The following TEX15 variants were observed in gnomAD, a reference collection of about 807,000 sequenced individuals.
TEX15 encodes the protein testis expressed 15, meiosis and synapsis associated.
In TEX15, 171 loss-of-function variants were observed where a neutral mutation model predicts 237.3. That is an observed-to-expected ratio of 0.72 (90% CI 0.64 to 0.82). The LOEUF is 0.82. Ranked by LOEUF, TEX15 falls within the 40% of genes least tolerant of loss-of-function variation. The pLI is 0.00. For missense variants in TEX15, 3,750 were observed against 3,646.5 expected (o/e 1.03, Z -0.73); for synonymous variants, 1,338 against 1,269.8 (o/e 1.05, Z -1.14).
At chr8:30,883,787 T>C (rs747561161) in intron 3 of TEX15, among the ~76,000 whole-genome samples, 2 of 152,214 alleles carry the variant, frequency 1.3e-5, no homozygotes, top group Non-Finnish European at 2.9e-5. Flanking sequence ...TCTCTGTTAC[T>C]GTAAATATTA....
chr8:30,844,872 C>T lies in TEX15; in HGVS notation c.5295G>A (p.Glu1765=), dbSNP rs1807557599. The change falls in exon 8 of 11, where the codon GAG becomes GAA. Residue 1765 remains glutamate (E), a synonymous_variant. Coordinates refer to ENST00000643185, the MANE Select transcript of TEX15 (RefSeq NM_001350162.2). ...AAGAGCACTGTTCTGTCTTTAGAAGCTCTTTTTCTCTACAGCTCTGCTCAC... is the reference window on the plus strand; with the variant it reads ...AAGAGCACTGTTCTGTCTTTAGAAGTTCTTTTTCTCTACAGCTCTGCTCAC... ...PHCEQSCREK[E]LLKTEQCSSG... is the part of the protein sequence containing the mutation. The T allele has an allele frequency of 6.2e-7, 1 of 1,613,372 alleles. No individual in the cohort carries two copies. The highest frequency in any genetic ancestry group is 8.5e-7 in the Non-Finnish European group (1 of 1,179,502).
In TEX15 at chr8:30,846,648, G is replaced by A. The variant is rs138205237; in HGVS notation, c.3519C>T (p.Asp1173=). Residue 1173 remains aspartate (D), a synonymous_variant, in exon 8 of 11, where the codon GAC becomes GAT. Coordinates refer to ENST00000643185, the MANE Select transcript of TEX15 (RefSeq NM_001350162.2). ...AAAAACTATCTTTCAATGCAAGGGA[G>A]TCAGCTGTCGGGCTGAATCCTGGCC... ...IFRPGFSPTA[D]SLALKDSFCT... is the part of the protein sequence containing the mutation. The A allele has an allele frequency of 1.7e-4, 267 of 1,613,776 alleles. 1 individual carries two copies. The highest frequency in any genetic ancestry group is 4.9e-4 in the Middle Eastern group (3 of 6,084).
intron 7 of TEX15, among the ~76,000 whole-genome samples, chr8:30,857,617 G>GA (rs1807939105): frequency 6.6e-6 from 1 of 152,090 alleles, no homozygotes; most frequent in Admixed American, 6.5e-5. Context: ...ATGTGACCAG[G>GA]AATTTCAGAA....
intron 9 of TEX15, among the ~76,000 whole-genome samples, chr8:30,839,493 CT>C (rs1175352135): frequency 6.6e-5 from 10 of 151,818 alleles, no homozygotes; most frequent in Non-Finnish European, 1.3e-4. Flanking sequence ...TTTTAGAAGT[CT>C]TTTTTTGGTA....
At position 30,852,332 on chromosome 8, in the gene TEX15, A is replaced by G. The variant is rs1585289137; in HGVS notation, c.851-3016T>C. 2.0e-5 allele frequency among the ~76,000 whole-genome samples: 3 copies of G among 151,846 alleles called. No homozygotes were observed. In the East Asian group the frequency reaches 5.8e-4, roughly 29 times the overall value. Reference sequence around the variant, plus strand: ...GTGGTCTCGATCTCCTGAAGTCGTGATCCGCCCGCCTTGGCCTCCCAAAGT... The same window carrying G: ...GTGGTCTCGATCTCCTGAAGTCGTGGTCCGCCCGCCTTGGCCTCCCAAAGT... On this transcript the variant is annotated intron_variant, in intron 7 of 10. Coordinates refer to ENST00000643185, the MANE Select transcript of TEX15 (RefSeq NM_001350162.2).
intron 5 of TEX15, among the ~76,000 whole-genome samples, chr8:30,860,851 G>A (rs1468091585): frequency 1.3e-5 from 2 of 151,960 alleles, no homozygotes; most frequent in Non-Finnish European, 2.9e-5. Flanking sequence ...GCGCCCAGCC[G>A]AGAATCTACT....
At chr8:30,877,626 G>A (rs771955477) in intron 3 of TEX15, among the ~76,000 whole-genome samples, 19 of 152,044 alleles carry the variant, frequency 1.2e-4, no homozygotes, top group Non-Finnish European at 2.8e-4. Context: ...TTTATAACAT[G>A]ATGATTTTGT....
rs1266493025 is a variant in TEX15, at chr8:30,844,363, T to G, written c.5804A>C (p.Gln1935Pro). The G allele has an allele frequency of 1.2e-6, 2 of 1,610,828 alleles. No individual in the cohort carries two copies. Among genetic ancestry groups the G allele is most frequent in the Admixed American group, 1.7e-5 (1 of 59,514 alleles). The change falls in exon 8 of 11, where the codon CAG becomes CCG. Residue 1935 changes from glutamine (Q) to proline (P), a missense_variant. Coordinates refer to ENST00000643185, the MANE Select transcript of TEX15 (RefSeq NM_001350162.2). ...KGEIKVSKDS[Q>P]SDLTLHSEIA... ...TTCTGAATGTAATGTCAAGTCAGACTGCGAGTCTTTACTAACTTTAATTTC... is the reference window on the plus strand; with the variant it reads ...TTCTGAATGTAATGTCAAGTCAGACGGCGAGTCTTTACTAACTTTAATTTC...
intron 1 of TEX15, among the ~76,000 whole-genome samples, chr8:30,907,620 T>C (rs933878258): frequency 1.0e-4 from 15 of 144,562 alleles, no homozygotes; most frequent in Non-Finnish European, 1.5e-4. Flanking sequence ...TACATATAAT[T>C]TATATATAAA....
At chr8:30,877,112 T>C (rs1346942766) in intron 3 of TEX15, among the ~76,000 whole-genome samples, 2 of 152,158 alleles carry the variant, frequency 1.3e-5, no homozygotes, top group Admixed American at 1.3e-4. Context: ...TGTAGCACCA[T>C]CACTAGGAAA....
rs200711987 is a variant in TEX15 at position 30,847,805 on chromosome 8, T to C, written c.2362A>G (p.Ile788Val). 6 of 1,613,844 alleles carry C rather than the reference T, an allele frequency of 3.7e-6. No homozygotes were observed. In the East Asian group the frequency reaches 1.3e-4, roughly 36 times the overall value. ...FIDTVISSYN[I>V]ETAHDSSNCS... ...TTTGAACTGTCATGAGCTGTTTCTA[T>C]GTTATAAGATGAAATAACTGTATCA... The change falls in exon 8 of 11, where the codon ATA becomes GTA. Residue 788 changes from isoleucine (I) to valine (V), a missense_variant. Transcript: ENST00000643185.
intron 7 of TEX15, among the ~76,000 whole-genome samples, chr8:30,857,009 A>AT (rs1302225715): frequency 6.6e-6 from 1 of 152,190 alleles, no homozygotes; most frequent in Non-Finnish European, 1.5e-5. Flanking sequence ...AGGTATTAGT[A>AT]TTTTTTCTCT....
At chr8:30,902,526 A>G (rs1286028147) in intron 1 of TEX15, among the ~76,000 whole-genome samples, 2 of 152,252 alleles carry the variant, frequency 1.3e-5, no homozygotes, top group African/African-American at 2.4e-5. Context: ...CTTGGGTATC[A>G]TTCAATGTAG....
intron 7 of TEX15, among the ~76,000 whole-genome samples, chr8:30,850,170 A>C (rs1936014109): frequency 6.6e-6 from 1 of 152,320 alleles, no homozygotes; most frequent in South Asian, 2.1e-4. Flanking sequence ...CCAGGAGCCA[A>C]AGCAAACTAC....
In TEX15 at chr8:30,842,534, G is replaced by A. The variant is rs1181714153; in HGVS notation, c.7633C>T (p.Leu2545Phe). The change falls in exon 8 of 11, where the codon CTT (leucine) becomes TTT (phenylalanine). Residue 2545 changes from leucine to phenylalanine, a missense_variant. Coordinates refer to ENST00000643185, the MANE Select transcript of TEX15 (RefSeq NM_001350162.2). ...TTTTTTATTTCTGAAAGTTCTTGAA[G>A]TTCTCTTGAGAGCAAATGAATAGCA... The part of the protein sequence containing the change: ...SYAIHLLSRE[L>F]QELSEIKKLL... The A allele has an allele frequency of 1.2e-6, 2 of 1,610,892 alleles. No individual in the cohort carries two copies. The highest frequency in any genetic ancestry group is 2.2e-5 in the South Asian group (2 of 90,634).
chr8:30,861,552 C>A (rs1449907436), intron 5 of TEX15, among the ~76,000 whole-genome samples: 1 of 152,010 alleles, frequency 6.6e-6, no homozygotes, highest in East Asian at 1.9e-4. Flanking sequence ...TTAGCAAAAG[C>A]CAAATAAAGT....
At position 30,909,577 on chromosome 8, in the gene TEX15, C is replaced by T. The variant is rs568197511; in HGVS notation, c.-86+3302G>A. 3.3e-5 allele frequency among the ~76,000 whole-genome samples: 5 copies of T among 152,272 alleles called. No individual in the cohort carries two copies. The South Asian group carries it at 8.3e-4, about 25-fold the overall frequency. On this transcript the variant is annotated intron_variant, in intron 1 of 10. Coordinates refer to ENST00000643185, the MANE Select transcript of TEX15 (RefSeq NM_001350162.2). Reference sequence around the variant, plus strand: ...TTAAAGCAATCATCAAATTTACATACAAGTTTTAAATTTTCTGAACTTTGC... The same window carrying T: ...TTAAAGCAATCATCAAATTTACATATAAGTTTTAAATTTTCTGAACTTTGC...
At chr8:30,889,932 TACATATATATATATATATATAC>T (rs1181322191) in intron 2 of TEX15, among the ~76,000 whole-genome samples, 2 of 113,042 alleles carry the variant, frequency 1.8e-5, no homozygotes, top group Non-Finnish European at 3.3e-5. Context: ...ATTAGTTATA[TACATATATATATATATATATAC>T]ATATATATAT....
rs1355419699 is a variant in TEX15 at position 30,847,761 on chromosome 8, T to C, written c.2406A>G (p.Glu802=). 5.6e-6 allele frequency: 9 copies of C among 1,613,650 alleles called. No individual in the cohort carries two copies. The highest frequency in any genetic ancestry group is 7.6e-6 in the Non-Finnish European group (9 of 1,179,906). The change falls in exon 8 of 11, where the codon GAA becomes GAG. Residue 802 remains glutamate, a synonymous_variant. Transcript: ENST00000643185. ...HDSSNCSITR[E]HICVHRKNEN... ...CATTTTTCCTATGGACACATATATG[T>C]TCTCTAGTTATGCTGCAATTTGAAC...
Sources: gnomAD v4.1 joint callset for allele counts (sites outside exome capture counted in the v4.1 genomes callset) on GRCh38, gnomAD v4.1.1 for gene constraint, MANE v1.5 for transcripts, NCBI Gene and HGNC (gene_info 2026-07-23, HGNC 2026-07-21) for gene names.